Variants in RPTOR observed in about 807,000 individuals in gnomAD.
RPTOR encodes the protein regulatory associated protein of MTOR complex 1.
RPTOR carries 21 observed loss-of-function variants against 169.9 expected under a neutral mutation model. That is an observed-to-expected ratio of 0.12 (90% CI 0.09 to 0.18). The LOEUF is 0.18. Ranked by LOEUF, RPTOR falls within the 10% of genes least tolerant of loss-of-function variation. RPTOR has a pLI of 1.00. For missense variants in RPTOR, 1,133 were observed against 1,855.9 expected (o/e 0.61, Z 7.16); for synonymous variants, 732 against 753.2 (o/e 0.97, Z 0.46).
At chr17:80,942,341 GC>G (rs1181706988) in intron 25 of RPTOR, among the ~76,000 whole-genome samples, 5 of 150,644 alleles carry the variant, frequency 3.3e-5, no homozygotes, top group African/African-American at 1.2e-4. Context: ...CTGGCCTGGA[GC>G]CTGTGGTCAG....
chr17:80,913,524 C>T (rs1028805074), intron 21 of RPTOR, among the ~76,000 whole-genome samples: 1 of 152,180 alleles, frequency 6.6e-6, no homozygotes, highest in Non-Finnish European at 1.5e-5. Flanking sequence ...CCAGTCACGG[C>T]TCACTGCAGC....
Position 80,853,748 on chromosome 17 carries a change from G to A in RPTOR, c.1315-1716G>A, listed in dbSNP as rs181695751. 6.2e-4 allele frequency among the ~76,000 whole-genome samples: 94 copies of A among 152,348 alleles called. 1 individual carries two copies. The East Asian group carries it at 0.017, about 28-fold the overall frequency. ...AATCCCAGCACTTTGGGAGGCCAAG[G>A]CGGGTGGATCACAAGGTCAGGAGAT... is the stretch of plus-strand genomic sequence containing the variant. On this transcript the variant is annotated intron_variant, in intron 11 of 33. Transcript: ENST00000306801.
chr17:80,856,719 G>A (rs1022467244), intron 12 of RPTOR, among the ~76,000 whole-genome samples: 2 of 152,164 alleles, frequency 1.3e-5, no homozygotes, highest in African/African-American at 2.4e-5. Context: ...GTGGTATTGC[G>A]TGCACTCTAA....
intron 1 of RPTOR, among the ~76,000 whole-genome samples, chr17:80,552,694 C>G (rs1003262894): frequency 1.6e-4 from 24 of 152,242 alleles, no homozygotes; most frequent in African/African-American, 5.8e-4. Context: ...GGATCATTCT[C>G]TCCGTGTTAC....
chr17:80,819,760 A>G (rs1025616535), intron 7 of RPTOR, among the ~76,000 whole-genome samples: 6 of 152,252 alleles, frequency 3.9e-5, no homozygotes, highest in African/African-American at 4.8e-5. Context: ...CACACCAGAA[A>G]GACCAGCTGT....
chr17:80,898,550 A>T (rs1160040960), intron 20 of RPTOR, among the ~76,000 whole-genome samples: 1 of 152,060 alleles, frequency 6.6e-6, no homozygotes, highest in African/African-American at 2.4e-5. Flanking sequence ...TACAGTTCTC[A>T]AACAGAAAAT....
At chr17:80,653,101 CTA>C (rs1365450693) in intron 3 of RPTOR, among the ~76,000 whole-genome samples, 1 of 152,106 alleles carries the variant, frequency 6.6e-6, no homozygotes, top group African/African-American at 2.4e-5. Context: ...TTGTTGAGTT[CTA>C]TGAGTTCAAA....
intron 6 of RPTOR, among the ~76,000 whole-genome samples, chr17:80,772,292 C>T (rs1435032463): frequency 6.6e-6 from 1 of 152,186 alleles, no homozygotes; most frequent in African/African-American, 2.4e-5. Context: ...TCCAAAAACT[C>T]AATACTAGCA....
chr17:80,930,324 A>AGCTCAGCTCATCCTCT (rs1555636987), intron 24 of RPTOR, among the ~76,000 whole-genome samples: 3 of 110,592 alleles, frequency 2.7e-5, no homozygotes, highest in African/African-American at 7.2e-5. Flanking sequence ...AGCTCAGCTC[A>AGCTCAGCTCATCCTCT]GCTCATCCTC....
intron 24 of RPTOR, among the ~76,000 whole-genome samples, chr17:80,930,033 C>CAGCTCATCCT (rs1555636861): frequency 6.7e-6 from 1 of 148,930 alleles, no homozygotes; most frequent in African/African-American, 2.5e-5. Flanking sequence ...TGGCTCATCC[C>CAGCTCATCCT]CAGCTCATCC....
At chr17:80,921,579 C>T (rs2068745632) in intron 21 of RPTOR, among the ~76,000 whole-genome samples, 1 of 152,244 alleles carries the variant, frequency 6.6e-6, no homozygotes, top group Non-Finnish European at 1.5e-5. Context: ...GAAAACCCTG[C>T]TTTAAAAAAT....
chr17:80,947,241 A>G lies in RPTOR; in HGVS notation c.3155A>G (p.Glu1052Gly). 1 of 1,597,626 alleles carries G rather than the reference A, an allele frequency of 6.3e-7. No homozygotes were observed. Among genetic ancestry groups the G allele is most frequent in the South Asian group, 1.1e-5 (1 of 88,212 alleles). Residue 1052 changes from glutamate to glycine, a missense_variant, in exon 27 of 34, where the codon GAG becomes GGG. Glu to Gly is a moderately conservative substitution (Grantham distance 98, BLOSUM62 -2). Around this residue, in one of 9 missense-constraint regions of RPTOR, gnomAD observed 410 missense variants for 623.7 expected, o/e 0.66. Coordinates refer to ENST00000306801, the MANE Select transcript of RPTOR (RefSeq NM_020761.3). This position sits in a 1 kb window ranked among gnomAD's most constrained non-coding sequence, Gnocchi z 4.4. Reference protein sequence around the residue: ...DKDSICFWDWEKGEKLDYFHN... With the variant: ...DKDSICFWDWGKGEKLDYFHN... Reference sequence around the variant, plus strand: ...CTTCCCTTAAGCTTTTGGGACTGGGAGAAAGGGGAGAAGCTGGATTATTTC... The same window carrying G: ...CTTCCCTTAAGCTTTTGGGACTGGGGGAAAGGGGAGAAGCTGGATTATTTC...
In RPTOR at chr17:80,583,698, C is replaced by T. The variant is rs183272032; in HGVS notation, c.162+37907C>T. Among the ~76,000 whole-genome samples the T allele has an allele frequency of 2.6e-3, 399 of 152,314 alleles. 1 individual carries two copies. The highest frequency in any genetic ancestry group is 8.2e-3 in the African/African-American group (339 of 41,584). ...GGTAGTGAAGGGGGAATAACAAGGACGTCTCTGGAAAGTGCTGCAGGTTCC... is the reference window on the plus strand; with the variant it reads ...GGTAGTGAAGGGGGAATAACAAGGATGTCTCTGGAAAGTGCTGCAGGTTCC... On this transcript the variant is annotated intron_variant, in intron 1 of 33. Coordinates refer to ENST00000306801, the MANE Select transcript of RPTOR (RefSeq NM_020761.3).
chr17:80,859,522 C>T (rs1471560273), intron 13 of RPTOR, among the ~76,000 whole-genome samples: 2 of 152,186 alleles, frequency 1.3e-5, no homozygotes, highest in African/African-American at 2.4e-5. Flanking sequence ...GGCAGGGAGC[C>T]CCGGGAAGAA....
At chr17:80,853,906 G>A (rs1053148323) in intron 11 of RPTOR, among the ~76,000 whole-genome samples, 39 of 152,132 alleles carry the variant, frequency 2.6e-4, no homozygotes, top group African/African-American at 8.4e-4. Flanking sequence ...GCATGAACCC[G>A]GGAGGTGGAG....
chr17:80,728,327 G>C (rs988991167), intron 4 of RPTOR, among the ~76,000 whole-genome samples: 4 of 152,048 alleles, frequency 2.6e-5, no homozygotes, highest in African/African-American at 7.3e-5. Flanking sequence ...TTATCTTACT[G>C]TATCAGTCAG....
At chr17:80,759,128 G>A (rs944834262) in intron 6 of RPTOR, among the ~76,000 whole-genome samples, 1 of 152,068 alleles carries the variant, frequency 6.6e-6, no homozygotes, top group Non-Finnish European at 1.5e-5. Flanking sequence ...GCCGAGGCAG[G>A]AGGATCACTT....
At chr17:80,671,164 C>T (rs780536524) in intron 3 of RPTOR, among the ~76,000 whole-genome samples, 10 of 152,226 alleles carry the variant, frequency 6.6e-5, no homozygotes, top group Non-Finnish European at 1.2e-4. Flanking sequence ...CCATCTCTGC[C>T]GTGTTGCTCC....
intron 1 of RPTOR, among the ~76,000 whole-genome samples, chr17:80,572,193 G>A (rs1599561745): frequency 6.6e-6 from 1 of 152,040 alleles, no homozygotes; most frequent in Admixed American, 6.6e-5. Flanking sequence ...GACCTCCCAC[G>A]GTCAGGTGAT....
Sources: allele counts gnomAD v4.1 joint callset (sites outside exome capture counted in the v4.1 genomes callset), GRCh38; gene constraint gnomAD v4.1.1; regional missense constraint gnomAD v4.1.1; non-coding constraint Gnocchi (gnomAD v3.1); transcripts MANE v1.5; gene names NCBI Gene and HGNC (gene_info 2026-07-23, HGNC 2026-07-21).